Variants in KLHL1 observed in about 807,000 individuals in gnomAD.
The protein encoded by KLHL1 is kelch-like protein 1.
Under a neutral mutation model 77.7 loss-of-function variants are expected in KLHL1, and 47 were observed. The observed-to-expected ratio is 0.60, with a 90% confidence interval of 0.48 to 0.77. The LOEUF is 0.77. Ranked by LOEUF, KLHL1 falls within the 30% of genes least tolerant of loss-of-function variation. The pLI is 0.00. For synonymous variants in KLHL1, 360 were observed against 325.2 expected, an observed-to-expected ratio of 1.11 and a Z score of -1.15; for missense variants, 925 against 910.8, an observed-to-expected ratio of 1.02 and a Z score of -0.20.
rs1229654694 is a variant in KLHL1 at position 69,939,373 on chromosome 13, A to ACATATACATAC, written c.1014+666_1014+667insGTATGTATATG. Among the ~76,000 whole-genome samples, 105 of 114,400 alleles carry ACATATACATAC rather than the reference A, an allele frequency of 9.2e-4. 1 individual carries two copies. The highest frequency in any genetic ancestry group is 3.0e-3 in the African/African-American group (87 of 29,308). 75.1% of individuals were successfully genotyped at this position (114,400 alleles called of 152,430 possible). On this transcript the variant is annotated intron_variant, in intron 4 of 10. Transcript: ENST00000377844. ...TATATATATATATATATATATATAT[A>ACATATACATAC]TATATACACACACACACGCACACAC...
intron 6 of KLHL1, chr13:69,802,839 C>T (rs1877449353): frequency 6.6e-6 from 1 of 152,124 alleles, no homozygotes; most frequent in African/African-American, 2.4e-5. Flanking sequence ...CCGCTTCCTT[C>T]TTTAACTCGG....
chr13:69,757,012 T>C (rs1209759454), intron 7 of KLHL1, among the ~76,000 whole-genome samples: 2 of 152,194 alleles, frequency 1.3e-5, no homozygotes, highest in African/African-American at 4.8e-5. Flanking sequence ...AGTATTTTCT[T>C]GGTATTCAGT....
At chr13:69,884,761 A>G (rs1881132813) in intron 4 of KLHL1, among the ~76,000 whole-genome samples, 1 of 152,144 alleles carries the variant, frequency 6.6e-6, no homozygotes, top group African/African-American at 2.4e-5. Flanking sequence ...TGCTTTTATC[A>G]TGGATGTTGT....
In KLHL1 at chr13:69,998,661, G is replaced by A. The variant is rs1308660328; in HGVS notation, c.498-22859C>T. Among the ~76,000 whole-genome samples the A allele has an allele frequency of 3.9e-5, 6 of 151,974 alleles. No individual in the cohort carries two copies. In the East Asian group the frequency reaches 1.2e-3, roughly 29 times the overall value. On this transcript the variant is annotated intron_variant, in intron 1 of 10. Transcript: ENST00000377844. ...GACCTTAATTAGTTTGCTATTAATA[G>A]TAATGGATGACTACAGACTTATCGA...
intron 8 of KLHL1, among the ~76,000 whole-genome samples, chr13:69,738,149 T>C (rs1873841142): frequency 6.6e-6 from 1 of 151,824 alleles, no homozygotes; most frequent in Admixed American, 6.6e-5. Flanking sequence ...AGCATCCCTA[T>C]GGAAAAGGGG....
intron 1 of KLHL1, among the ~76,000 whole-genome samples, chr13:70,091,384 A>G (rs1225150858): frequency 6.6e-6 from 1 of 151,474 alleles, no homozygotes; most frequent in Non-Finnish European, 1.5e-5. Flanking sequence ...GTTTTTCTTA[A>G]CTTTTGTTTC....
At chr13:69,954,953 G>T (rs1327538997) in intron 3 of KLHL1, among the ~76,000 whole-genome samples, 1 of 150,644 alleles carries the variant, frequency 6.6e-6, no homozygotes, top group Non-Finnish European at 1.5e-5. Context: ...TGAATATACA[G>T]GTTGTTTAAA....
In KLHL1 at chr13:70,108,283, A is replaced by C; in HGVS notation, c.-584T>G. On this transcript the variant is annotated 5_prime_UTR_variant, in exon 1 of 11. Coordinates refer to ENST00000377844, the MANE Select transcript of KLHL1 (RefSeq NM_020866.3). ...GCCCCTGTCCCTGGCCTTTTCGAGG[A>C]TGCCCCGATAGCCTGCCGGGTGGCT... 2 of 368,028 alleles carry C rather than the reference A, an allele frequency of 5.4e-6. No homozygotes were observed. Among genetic ancestry groups the C allele is most frequent in the Non-Finnish European group, 4.8e-6 (1 of 207,522 alleles). 22.8% of individuals were successfully genotyped at this position (368,028 alleles called of 1,614,324 possible).
intron 1 of KLHL1, among the ~76,000 whole-genome samples, chr13:70,038,879 CT>C (rs1367391386): frequency 6.6e-6 from 1 of 152,100 alleles, no homozygotes; most frequent in Non-Finnish European, 1.5e-5. Flanking sequence ...GCGTGAGCCA[CT>C]GCGCCCGGCC....
rs563233308 is a variant in KLHL1 at position 70,103,579 on chromosome 13, C to T, written c.497+3624G>A. ...TGCAAAACTAGAGTTGAAAGAAGAT[C>T]GTAGCTTAGATTAGGCGCAGACAAT... is the stretch of plus-strand genomic sequence containing the variant. On this transcript the variant is annotated intron_variant, in intron 1 of 10. Transcript: ENST00000377844. Among the ~76,000 whole-genome samples, 3 of 152,040 alleles carry T rather than the reference C, an allele frequency of 2.0e-5. No individual in the cohort carries two copies. In the South Asian group the frequency reaches 6.2e-4, roughly 32 times the overall value.
intron 2 of KLHL1, 113 bp downstream of exon 2, chr13:69,975,507 A>T (rs908384995): frequency 4.8e-5 from 18 of 375,048 alleles, no homozygotes; most frequent in Non-Finnish European, 6.6e-5. Context: ...CAAAAAACTT[A>T]AAAAAATGTG....
intron 6 of KLHL1, among the ~76,000 whole-genome samples, chr13:69,804,197 C>T (rs1468041760): frequency 1.3e-5 from 2 of 152,110 alleles, no homozygotes; most frequent in African/African-American, 2.4e-5. Context: ...GAACGGTAGA[C>T]TCCTTTCTCA....
At chr13:69,749,373 T>G (rs2137945026) in intron 7 of KLHL1, among the ~76,000 whole-genome samples, 1 of 152,116 alleles carries the variant, frequency 6.6e-6, no homozygotes, top group South Asian at 2.1e-4. Flanking sequence ...GCTTAATAAT[T>G]ACATGATGAC....
chr13:69,862,885 T>TG (rs1880228834), intron 5 of KLHL1, among the ~76,000 whole-genome samples: 1 of 152,100 alleles, frequency 6.6e-6, no homozygotes, highest in Non-Finnish European at 1.5e-5. Flanking sequence ...TTCAGAACTG[T>TG]GACAAAATAC....
At chr13:69,997,589 T>C (rs1885187904) in intron 1 of KLHL1, among the ~76,000 whole-genome samples, 1 of 150,622 alleles carries the variant, frequency 6.6e-6, no homozygotes. Flanking sequence ...TTATTTCACT[T>C]AACATAATGT....
At chr13:70,006,030 C>G (rs1048425198) in intron 1 of KLHL1, among the ~76,000 whole-genome samples, 4 of 151,956 alleles carry the variant, frequency 2.6e-5, no homozygotes, top group Non-Finnish European at 5.9e-5. Flanking sequence ...TTTCCCTCAG[C>G]CACTGGCAAC....
At chr13:70,071,405 T>G (rs1201812938) in intron 1 of KLHL1, among the ~76,000 whole-genome samples, 1 of 151,998 alleles carries the variant, frequency 6.6e-6, no homozygotes, top group Admixed American at 6.6e-5. Flanking sequence ...AAACCCCCTA[T>G]GTTACAGACT....
Position 69,940,252 on chromosome 13 carries a change from G to A in KLHL1, c.818-16C>T, listed in dbSNP as rs756952788. 4 of 1,570,418 alleles carry A rather than the reference G, an allele frequency of 2.5e-6. No homozygotes were observed. The highest frequency in any genetic ancestry group is 3.5e-6 in the Non-Finnish European group (4 of 1,159,194). On this transcript the variant is annotated splice_polypyrimidine_tract_variant and intron_variant, in intron 3 of 10. Transcript: ENST00000377844. ...TCCAAGCAGCCTAAACATAAGCAAAGATAATTATGAAACTCTTTTAAAAAC... is the reference window on the plus strand; with the variant it reads ...TCCAAGCAGCCTAAACATAAGCAAAAATAATTATGAAACTCTTTTAAAAAC...
At chr13:69,996,072 A>G (rs1885143114) in intron 1 of KLHL1, among the ~76,000 whole-genome samples, 1 of 152,130 alleles carries the variant, frequency 6.6e-6, no homozygotes, top group South Asian at 2.1e-4. Context: ...TGGGAGGTCA[A>G]TGCGGGAGGA....
Sources: allele counts gnomAD v4.1 joint callset (sites outside exome capture counted in the v4.1 genomes callset), GRCh38; gene constraint gnomAD v4.1.1; transcripts MANE v1.5; gene names NCBI Gene and HGNC (gene_info 2026-07-23, HGNC 2026-07-21).